Variants in BPTF observed in about 807,000 individuals in gnomAD.
The protein encoded by BPTF is nucleosome-remodeling factor subunit BPTF.
In BPTF, 18 loss-of-function variants were observed where a neutral mutation model predicts 292.5. The observed-to-expected ratio is 0.06, with a 90% confidence interval of 0.04 to 0.09. The LOEUF is 0.09. Ranked by LOEUF, BPTF falls within the 10% of genes least tolerant of loss-of-function variation. The pLI is 1.00. For missense variants in BPTF, 2,726 were observed against 3,498.7 expected (o/e 0.78, Z 5.57); for synonymous variants, 1,225 against 1,251.9 (o/e 0.98, Z 0.45).
chr17:67,971,633 G>A (rs190772649), intron 26 of BPTF, among the ~76,000 whole-genome samples: 99 of 151,880 alleles, frequency 6.5e-4, no homozygotes, highest in Admixed American at 5.8e-3. Context: ...GCGAAACCCC[G>A]TCTCTACTAA....
intron 2 of BPTF, among the ~76,000 whole-genome samples, chr17:67,865,246 T>G (rs1453437955): frequency 6.6e-6 from 1 of 152,230 alleles, no homozygotes; most frequent in Non-Finnish European, 1.5e-5. Flanking sequence ...ACCCATATCC[T>G]TTTATTTATC....
At chr17:67,954,603 C>T (rs1174496613) in intron 23 of BPTF, among the ~76,000 whole-genome samples, 1 of 152,162 alleles carries the variant, frequency 6.6e-6, no homozygotes, top group African/African-American at 2.4e-5. Context: ...CAGTTTTAGT[C>T]CTGCTCACAG....
intron 1 of BPTF, among the ~76,000 whole-genome samples, chr17:67,840,165 C>T (rs2057437479): frequency 6.7e-6 from 1 of 150,194 alleles, no homozygotes; most frequent in Non-Finnish European, 1.5e-5. Context: ...AGCAATGGCA[C>T]AGTCACCACT....
chr17:67,977,284 G>A (rs2069610735), intron 27 of BPTF, among the ~76,000 whole-genome samples: 1 of 152,154 alleles, frequency 6.6e-6, no homozygotes, highest in Admixed American at 6.6e-5. Flanking sequence ...GGAGGCCAAG[G>A]TGGGTGGATC....
At chr17:67,885,336 C>T (rs2060680739) in intron 4 of BPTF, among the ~76,000 whole-genome samples, 1 of 152,168 alleles carries the variant, frequency 6.6e-6, no homozygotes, top group African/African-American at 2.4e-5. Flanking sequence ...TAATCCCAGC[C>T]ACTTTGGGAG....
chr17:67,843,754 CTTTTTTT>C (rs56335701), intron 1 of BPTF, among the ~76,000 whole-genome samples: 189 of 62,214 alleles, frequency 3.0e-3, no homozygotes, highest in African/African-American at 0.015. Context: ...GAGCAGTTGT[CTTTTTTT>C]TTTTTTTTTT....
At chr17:67,867,523 A>T (rs2059459122) in intron 3 of BPTF, among the ~76,000 whole-genome samples, 1 of 152,196 alleles carries the variant, frequency 6.6e-6, no homozygotes, top group African/African-American at 2.4e-5. Context: ...TCCATACTTC[A>T]TTCCAATTTC....
intron 1 of BPTF, 109 bp downstream of exon 1, chr17:67,826,446 T>TC (rs1416743004): frequency 1.2e-5 from 13 of 1,128,384 alleles, no homozygotes; most frequent in South Asian, 6.8e-5. Flanking sequence ...CAACCCCGCC[T>TC]CCCCCCCAAA....
chr17:67,910,799 C>G (rs940343379), intron 10 of BPTF, 78 bp from the exon 11 acceptor site: 1 of 864,666 alleles, frequency 1.2e-6, no homozygotes, highest in Non-Finnish European at 1.5e-6. Flanking sequence ...GACTCCATCT[C>G]AAAAAAAAAA....
intron 18 of BPTF, among the ~76,000 whole-genome samples, chr17:67,936,367 T>C (rs1009871725): frequency 6.6e-6 from 1 of 152,170 alleles, no homozygotes; most frequent in Admixed American, 6.5e-5. Flanking sequence ...AGAACTAATA[T>C]AAAGGAGAAA....
intron 23 of BPTF, chr17:67,956,555 C>G (rs1225365181): frequency 6.6e-6 from 1 of 151,504 alleles, no homozygotes; most frequent in African/African-American, 2.4e-5. Context: ...TGGACTCAAG[C>G]GATCTTCCAG....
At chr17:67,849,327 C>T (rs2144779229) in intron 1 of BPTF, among the ~76,000 whole-genome samples, 2 of 152,266 alleles carry the variant, frequency 1.3e-5, no homozygotes, top group Non-Finnish European at 2.9e-5. Flanking sequence ...ATATAAATCA[C>T]CTGAAGATCG....
intron 9 of BPTF, among the ~76,000 whole-genome samples, chr17:67,907,958 T>C (rs905965009): frequency 4.6e-5 from 7 of 152,212 alleles, no homozygotes; most frequent in African/African-American, 1.7e-4. Context: ...TATTCTGTTA[T>C]ATAAACTTCA....
At chr17:67,829,122 T>C (rs2056402208) in intron 1 of BPTF, among the ~76,000 whole-genome samples, 1 of 151,880 alleles carries the variant, frequency 6.6e-6, no homozygotes, top group Admixed American at 6.6e-5. Flanking sequence ...TTTGTTGTTG[T>C]TGTTTTTTCT....
chr17:67,977,091 C>T (rs2069581318), intron 27 of BPTF, among the ~76,000 whole-genome samples: 1 of 151,886 alleles, frequency 6.6e-6, no homozygotes, highest in Admixed American at 6.6e-5. Context: ...AAGAATAAAT[C>T]TAAAAGTTTA....
At chr17:67,826,762 T>TG (rs1255529808) in intron 1 of BPTF, among the ~76,000 whole-genome samples, 1 of 152,188 alleles carries the variant, frequency 6.6e-6, no homozygotes, top group Non-Finnish European at 1.5e-5. Context: ...ATTTCTAATG[T>TG]GGTTTCTTTC....
chr17:67,979,330 C>G (rs573746955), intron 27 of BPTF, among the ~76,000 whole-genome samples: 1 of 152,094 alleles, frequency 6.6e-6, no homozygotes, highest in African/African-American at 2.4e-5. Context: ...CGTGGATCAT[C>G]TGAGATCAGG....
intron 9 of BPTF, among the ~76,000 whole-genome samples, chr17:67,908,491 C>CT (rs34537462): frequency 0.14 from 13,968 of 97,548 alleles, 1,671 homozygotes; most frequent in East Asian, 0.65. Flanking sequence ...TCACTGACCA[C>CT]TTTTTTTTTT....
At chr17:67,889,443 G>A (rs908321384) in intron 4 of BPTF, among the ~76,000 whole-genome samples, 1 of 152,152 alleles carries the variant, frequency 6.6e-6, no homozygotes, top group African/African-American at 2.4e-5. Context: ...TGTCTAAAAA[G>A]TATCTATTAC....
Sources: gnomAD v4.1 joint callset for allele counts (sites outside exome capture counted in the v4.1 genomes callset) on GRCh38, gnomAD v4.1.1 for gene constraint, MANE v1.5 for transcripts, NCBI Gene and HGNC (gene_info 2026-07-23, HGNC 2026-07-21) for gene names.